Variants in CNTNAP2 observed in about 807,000 individuals in gnomAD.
CNTNAP2 encodes the protein contactin-associated protein-like 2.
In CNTNAP2, 98 loss-of-function variants were observed where a neutral mutation model predicts 155.2. The ratio of observed to expected loss-of-function variants is 0.63; its 90% CI spans 0.54 to 0.75. The LOEUF (loss-of-function observed/expected upper bound fraction) is 0.75, where lower values mean the gene tolerates loss of function less well. Ranked by LOEUF, CNTNAP2 falls within the 30% of genes least tolerant of loss-of-function variation. The pLI, the probability that CNTNAP2 is intolerant of heterozygous loss-of-function variation, is 0.00. For synonymous variants in CNTNAP2, 651 were observed against 631.2 expected (o/e 1.03, Z -0.47); for missense variants, 1,727 against 1,688.1 (o/e 1.02, Z -0.40).
chr7:147,974,540 G>T (rs888094598), intron 14 of CNTNAP2, among the ~76,000 whole-genome samples: 6 of 152,140 alleles, frequency 3.9e-5, no homozygotes, highest in African/African-American at 9.7e-5. Flanking sequence ...CAGGAGAATT[G>T]CTTGAACCCA....
At chr7:147,496,279 A>G (rs1563227471) in intron 11 of CNTNAP2, among the ~76,000 whole-genome samples, 3 of 152,200 alleles carry the variant, frequency 2.0e-5, no homozygotes, top group African/African-American at 7.2e-5. Context: ...TCTGGTGCCA[A>G]AAAGGTTGGA....
intron 8 of CNTNAP2, among the ~76,000 whole-genome samples, chr7:147,235,148 G>A (rs773298396): frequency 7.9e-5 from 12 of 152,116 alleles, no homozygotes; most frequent in Non-Finnish European, 1.3e-4. Context: ...CCCCGAGTGA[G>A]AGAGAATTCT....
chr7:147,003,947 C>T (rs1798475864), intron 3 of CNTNAP2, among the ~76,000 whole-genome samples: 1 of 151,848 alleles, frequency 6.6e-6, no homozygotes. Flanking sequence ...CAGAAAGATT[C>T]CTTAAGCACA....
At chr7:146,905,996 G>T (rs1333676820) in intron 3 of CNTNAP2, among the ~76,000 whole-genome samples, 1 of 152,226 alleles carries the variant, frequency 6.6e-6, no homozygotes, top group East Asian at 1.9e-4. Flanking sequence ...CCTGGGAAGC[G>T]CAAGGGGTCA....
chr7:147,451,558 C>G (rs963137031), intron 10 of CNTNAP2, among the ~76,000 whole-genome samples: 2 of 151,896 alleles, frequency 1.3e-5, no homozygotes, highest in East Asian at 3.9e-4. Flanking sequence ...CAACTAGGGC[C>G]CAGAGAAAAC....
rs1194711754 is a variant in CNTNAP2 at position 148,413,402 on chromosome 7, ATATATATATATAT to A, written c.3797-2014_3797-2002del. Among the ~76,000 whole-genome samples the A allele has an allele frequency of 7.6e-3, 302 of 39,480 alleles. 62 individuals carry two copies. The highest frequency in any genetic ancestry group is 0.01 in the Non-Finnish European group (216 of 21,516). The allele number at this position is 39,480 out of a possible 152,430, so 25.9% of individuals were successfully genotyped here. A position where few individuals can be genotyped will look rare whatever the true frequency, so the allele number is the denominator to read the frequency against. On this transcript the variant is annotated intron_variant, in intron 23 of 23. Coordinates refer to ENST00000361727, the MANE Select transcript of CNTNAP2 (RefSeq NM_014141.6). ...AGTGAAACTCCGTCTCAAAAAAAAA[ATATATATATATAT>A]ATATATATATATATATATATATATA...
At chr7:148,288,056 C>T (rs567159860) in intron 21 of CNTNAP2, among the ~76,000 whole-genome samples, 188 of 150,638 alleles carry the variant, frequency 1.2e-3, no homozygotes, top group Admixed American at 2.6e-3. Flanking sequence ...CCCCAAAGTG[C>T]GGGGATTACA....
chr7:147,280,203 G>GA (rs1475439995), intron 8 of CNTNAP2, among the ~76,000 whole-genome samples: 24 of 151,938 alleles, frequency 1.6e-4, no homozygotes, highest in African/African-American at 5.6e-4. Flanking sequence ...GGTGTCTAGT[G>GA]ACCAATTTCT....
chr7:147,073,382 A>G (rs1799935939), intron 4 of CNTNAP2, among the ~76,000 whole-genome samples: 1 of 152,014 alleles, frequency 6.6e-6, no homozygotes, highest in East Asian at 1.9e-4. Context: ...ATGAGCACAC[A>G]TGGTAAATGT....
At chr7:147,694,779 C>G (rs1796138816) in intron 13 of CNTNAP2, among the ~76,000 whole-genome samples, 1 of 152,066 alleles carries the variant, frequency 6.6e-6, no homozygotes, top group African/African-American at 2.4e-5. Flanking sequence ...TTTGAAGAAC[C>G]TGTTTTCAGT....
intron 12 of CNTNAP2, among the ~76,000 whole-genome samples, chr7:147,620,526 TTATA>T (rs1042393309): frequency 6.0e-5 from 9 of 149,848 alleles, no homozygotes; most frequent in Admixed American, 1.3e-4. Flanking sequence ...TATCATATAA[TTATA>T]TATTTTTTAA....
chr7:147,098,869 T>C (rs574087140), intron 4 of CNTNAP2, among the ~76,000 whole-genome samples: 1 of 152,334 alleles, frequency 6.6e-6, no homozygotes, highest in South Asian at 2.1e-4. Flanking sequence ...CTGCTTGTCT[T>C]CTCTGAGCAT....
intron 12 of CNTNAP2, among the ~76,000 whole-genome samples, chr7:147,564,245 T>C (rs901930492): frequency 4.0e-5 from 6 of 151,528 alleles, no homozygotes; most frequent in Non-Finnish European, 7.4e-5. Context: ...CCTAGAAATA[T>C]GCAAGATGCT....
intron 3 of CNTNAP2, among the ~76,000 whole-genome samples, chr7:146,843,690 G>A (rs4726812): frequency 0.2 from 30,800 of 150,994 alleles, 3,376 homozygotes; most frequent in Admixed American, 0.33. Context: ...TTAGGGCTAC[G>A]TCTTATCATT....
intron 1 of CNTNAP2, among the ~76,000 whole-genome samples, chr7:146,167,889 C>G (rs541179914): frequency 6.6e-6 from 1 of 152,268 alleles, no homozygotes; most frequent in South Asian, 2.1e-4. Context: ...AGTAGGGAAG[C>G]CGACAGTGCA....
At chr7:147,879,332 G>A (rs898878130) in intron 13 of CNTNAP2, among the ~76,000 whole-genome samples, 1 of 152,148 alleles carries the variant, frequency 6.6e-6, no homozygotes, top group Non-Finnish European at 1.5e-5. Flanking sequence ...GGGTCACAAA[G>A]CAGCTCTTTC....
chr7:147,302,654 A>G (rs986237444), intron 9 of CNTNAP2, among the ~76,000 whole-genome samples: 2 of 152,236 alleles, frequency 1.3e-5, no homozygotes, highest in Non-Finnish European at 2.9e-5. Context: ...AAAAACTTCA[A>G]GTGATTCTGA....
At chr7:148,116,335 A>C (rs954206599) in intron 15 of CNTNAP2, among the ~76,000 whole-genome samples, 1 of 152,170 alleles carries the variant, frequency 6.6e-6, no homozygotes, top group Non-Finnish European at 1.5e-5. Flanking sequence ...AAGCAAGCCA[A>C]ATCCTCTTCA....
chr7:148,359,098 A>G (rs1031634457), intron 21 of CNTNAP2, among the ~76,000 whole-genome samples: 1 of 152,186 alleles, frequency 6.6e-6, no homozygotes, highest in African/African-American at 2.4e-5. Context: ...CACAAATACT[A>G]CCATTGCGTT....
Sources: gnomAD v4.1 joint callset for allele counts (sites outside exome capture counted in the v4.1 genomes callset) on GRCh38, gnomAD v4.1.1 for gene constraint, MANE v1.5 for transcripts, NCBI Gene and HGNC (gene_info 2026-07-23, HGNC 2026-07-21) for gene names.